Variants in POPDC1 observed in about 807,000 individuals in gnomAD.
POPDC1 encodes popeye domain cAMP effector 1, also known as popeye domain-containing protein 1.
the POPDC1 span, among the ~76,000 whole-genome samples, chr6:105,120,668 G>A: frequency 6.6e-6 from 1 of 152,142 alleles, no homozygotes; most frequent in Admixed American, 6.5e-5. Flanking sequence ...TACTGGATCA[G>A]TTCCTCCCTT....
the POPDC1 span, among the ~76,000 whole-genome samples, chr6:105,119,978 G>GTTGGAAGCCAGTAGTTAGA: frequency 1.6e-5 from 1 of 64,346 alleles, no homozygotes; most frequent in Admixed American, 1.7e-4. Flanking sequence ...CATGGATTTG[G>GTTGGAAGCCAGTAGTTAGA]GCCGGGCGCG....
the POPDC1 span, among the ~76,000 whole-genome samples, chr6:105,110,158 G>A: frequency 1.3e-5 from 2 of 152,156 alleles, no homozygotes; most frequent in Non-Finnish European, 2.9e-5. Context: ...AATGGAAAAT[G>A]AAACACCCAC....
chr6:105,125,772 G>A, the POPDC1 span, among the ~76,000 whole-genome samples: 1 of 152,176 alleles, frequency 6.6e-6, no homozygotes. Context: ...TGCTAAAAGG[G>A]TATGGTTAGG....
chr6:105,113,428 C>T, the POPDC1 span, among the ~76,000 whole-genome samples: 1 of 152,192 alleles, frequency 6.6e-6, no homozygotes, highest in Non-Finnish European at 1.5e-5. Flanking sequence ...CCTGAGCAGT[C>T]CCTGCAGAAG....
At chr6:105,134,443 T>C in the POPDC1 span, among the ~76,000 whole-genome samples, 1 of 152,164 alleles carries the variant, frequency 6.6e-6, no homozygotes, top group Non-Finnish European at 1.5e-5. Flanking sequence ...CTATTATTAA[T>C]TGCACAAATT....
the POPDC1 span, among the ~76,000 whole-genome samples, chr6:105,124,162 C>G: frequency 1.2e-3 from 176 of 152,094 alleles, 5 homozygotes; most frequent in East Asian, 0.03. Context: ...GCAGGCAGAT[C>G]ATGAGGTGAA....
chr6:105,126,972 T>C, the POPDC1 span, among the ~76,000 whole-genome samples: 2 of 152,220 alleles, frequency 1.3e-5, no homozygotes, highest in Admixed American at 1.3e-4. Context: ...GGCTTAATCA[T>C]TTCTGTTGTC....
the POPDC1 span, among the ~76,000 whole-genome samples, chr6:105,109,241 A>G: frequency 2.5e-3 from 374 of 152,288 alleles, 2 homozygotes; most frequent in African/African-American, 8.8e-3. Flanking sequence ...TATAGGAGTG[A>G]GCCACTGGGC....
chr6:105,132,523 T>C, the POPDC1 span, among the ~76,000 whole-genome samples: 16,070 of 152,182 alleles, frequency 0.11, 1,096 homozygotes, highest in African/African-American at 0.19. Flanking sequence ...ATACTGGGAT[T>C]GCCCATCTGT....
the POPDC1 span, among the ~76,000 whole-genome samples, chr6:105,115,077 T>G: frequency 6.6e-6 from 1 of 152,240 alleles, no homozygotes; most frequent in Non-Finnish European, 1.5e-5. Flanking sequence ...TCTTAGAGTA[T>G]TCTGGTGAGC....
the POPDC1 span, chr6:105,124,770 CAG>C: frequency 1.3e-6 from 1 of 743,776 alleles, no homozygotes; most frequent in Admixed American, 2.6e-5. Context: ...AAAAATTCCA[CAG>C]AGATGATGGA....
At chr6:105,135,031 T>A in the POPDC1 span, among the ~76,000 whole-genome samples, 5 of 152,172 alleles carry the variant, frequency 3.3e-5, no homozygotes, top group African/African-American at 1.2e-4. Flanking sequence ...TGATATGAGG[T>A]ATCCTCTATC....
chr6:105,119,184 CAA>C, the POPDC1 span, among the ~76,000 whole-genome samples: 8 of 111,290 alleles, frequency 7.2e-5, no homozygotes, highest in African/African-American at 1.1e-4. Context: ...GACTCCCTCT[CAA>C]AAAAAAAAAA....
the POPDC1 span, chr6:105,133,369 C>T: frequency 6.2e-7 from 1 of 1,612,970 alleles, no homozygotes; most frequent in Non-Finnish European, 8.5e-7. Flanking sequence ...TAACATTCCC[C>T]TAAGAAATAT....
At chr6:105,118,729 T>C in the POPDC1 span, among the ~76,000 whole-genome samples, 1 of 152,314 alleles carries the variant, frequency 6.6e-6, no homozygotes, top group Admixed American at 6.5e-5. Context: ...ATATGTACTT[T>C]TAAACTTTAA....
chr6:105,129,062 C>A, the POPDC1 span, among the ~76,000 whole-genome samples: 1 of 152,196 alleles, frequency 6.6e-6, no homozygotes, highest in African/African-American at 2.4e-5. Context: ...AATTTTATAA[C>A]TGGGCAATGA....
At chr6:105,131,137 C>T in the POPDC1 span, among the ~76,000 whole-genome samples, 3,827 of 152,206 alleles carry the variant, frequency 0.025, 155 homozygotes, top group African/African-American at 0.089. Flanking sequence ...CATTGACACA[C>T]GCATACTCAC....
the POPDC1 span, chr6:105,100,119 C>T: frequency 6.6e-6 from 1 of 151,994 alleles, no homozygotes; most frequent in Non-Finnish European, 1.5e-5. Flanking sequence ...CACACAGTGC[C>T]CAATTAAGTA....
the POPDC1 span, among the ~76,000 whole-genome samples, chr6:105,113,098 T>C: frequency 6.7e-6 from 1 of 150,150 alleles, no homozygotes. Flanking sequence ...GCCTGGATAA[T>C]TTTTTTAATT....
Sources: allele counts gnomAD v4.1 joint callset (sites outside exome capture counted in the v4.1 genomes callset), GRCh38; gene constraint gnomAD v4.1.1; transcripts MANE v1.5; gene names NCBI Gene and HGNC (gene_info 2026-07-23, HGNC 2026-07-21).